Variants in NECAB2 observed in about 807,000 individuals in gnomAD.
The protein encoded by NECAB2 is N-terminal EF-hand calcium binding protein 2.
In NECAB2, 68 loss-of-function variants were observed where a neutral mutation model predicts 51.9. The ratio of observed to expected loss-of-function variants is 1.31; its 90% confidence interval spans 1.08 to 1.60. NECAB2 has a LOEUF of 1.60. Among genes scored for constraint, NECAB2 ranks in the 40% most tolerant of loss-of-function variants. The pLI, the probability that NECAB2 is intolerant of heterozygous loss-of-function variation, is 0.00. For missense variants in NECAB2, 854 were observed against 490.3 expected (o/e 1.74, Z -7.00); for synonymous variants, 329 against 203.5 (o/e 1.62, Z -5.25).
chr16:83,994,203 C>A, intron 6 of NECAB2, 99 bp from the exon 7 acceptor site: 1 of 1,062,478 alleles, frequency 9.4e-7, no homozygotes, highest in Non-Finnish European at 1.4e-6. Context: ...ATGTGTGAGT[C>A]CACTGTCTTG....
intron 8 of NECAB2, 118 bp from the exon 9 acceptor site, chr16:83,997,098 G>T (rs1041568699): frequency 2.5e-6 from 3 of 1,196,168 alleles, no homozygotes; most frequent in African/African-American, 3.1e-5. Flanking sequence ...TCCCAGCCCT[G>T]TGCAACAGGG....
At chr16:83,982,345 G>A in intron 5 of NECAB2, among the ~76,000 whole-genome samples, 1 of 152,174 alleles carries the variant, frequency 6.6e-6, no homozygotes. Context: ...TGCTGTTTTA[G>A]AGTATATTTT....
intron 6 of NECAB2, among the ~76,000 whole-genome samples, 178 bp downstream of exon 6, chr16:83,990,808 A>C (rs1188428469): frequency 6.6e-6 from 1 of 152,020 alleles, no homozygotes; most frequent in East Asian, 1.9e-4. Context: ...TATATACCTA[A>C]AATCTCAGCC....
At chr16:83,977,884 G>A (rs2084433557) in intron 2 of NECAB2, among the ~76,000 whole-genome samples, 1 of 152,206 alleles carries the variant, frequency 6.6e-6, no homozygotes, top group Non-Finnish European at 1.5e-5. Flanking sequence ...TGGGATTGGG[G>A]TTGGGAGCAT....
At chr16:83,988,161 C>T (rs982881380) in intron 5 of NECAB2, among the ~76,000 whole-genome samples, 3 of 152,212 alleles carry the variant, frequency 2.0e-5, no homozygotes, top group Non-Finnish European at 4.4e-5. Context: ...AGATCTGGGA[C>T]TTTGTCTTTA....
intron 10 of NECAB2, among the ~76,000 whole-genome samples, chr16:83,999,639 A>G (rs1322194006): frequency 3.3e-5 from 5 of 152,038 alleles, no homozygotes; most frequent in Non-Finnish European, 7.4e-5. Flanking sequence ...GTGCACTTGC[A>G]GAGAGGATTC....
chr16:84,002,215 G>A (rs867645644), intron 12 of NECAB2, 103 bp from the exon 13 acceptor site: 10 of 1,407,552 alleles, frequency 7.1e-6, no homozygotes, highest in South Asian at 5.8e-5. Context: ...GTCACACAAG[G>A]ACTCAAAGCC....
intron 8 of NECAB2, 70 bp from the exon 9 acceptor site, chr16:83,997,146 C>T (rs989419754): frequency 6.3e-7 from 1 of 1,596,974 alleles, no homozygotes; most frequent in African/African-American, 1.3e-5. Flanking sequence ...CCAGGGATCC[C>T]AGAGCTCCTG....
chr16:83,984,539 A>G (rs1004930429), intron 5 of NECAB2, among the ~76,000 whole-genome samples: 1 of 151,964 alleles, frequency 6.6e-6, no homozygotes, highest in African/African-American at 2.4e-5. Context: ...CCTGGGCAAC[A>G]TAGTGGGACC....
In NECAB2 at chr16:83,980,842, T is replaced by C. The variant is rs770849858; in HGVS notation, c.339T>C (p.His113=). Residue 113 remains histidine, a synonymous_variant, in exon 4 of 13, where the codon CAT becomes CAC. Coordinates refer to ENST00000305202, the MANE Select transcript of NECAB2 (RefSeq NM_019065.3). ...FHTIDSDNTN[H]VDTKELCDYF... is the part of the protein sequence containing the mutation. The stretch of plus-strand genomic sequence containing the variant: ...CTGCCTCTGTCTGTCTCTGCAGCCA[T>C]GTGGACACCAAGGAGCTGTGTGGTA... The C allele has an allele frequency of 7.9e-5, 126 of 1,592,198 alleles. No homozygotes were observed. The highest frequency in any genetic ancestry group is 1.0e-5 in the Non-Finnish European group (12 of 1,168,854).
intron 6 of NECAB2, chr16:83,993,270 T>G (rs2084649655): frequency 6.6e-6 from 1 of 152,174 alleles, no homozygotes; most frequent in South Asian, 2.1e-4. Flanking sequence ...GAGGGATACA[T>G]TTAATTTCCT....
chr16:83,972,002 CGGGGAGGGGGAGA>C, intron 1 of NECAB2, 136 bp from the exon 2 acceptor site: 1 of 1,045,856 alleles, frequency 9.6e-7, no homozygotes, highest in Admixed American at 2.2e-5. Flanking sequence ...GATCCCAGCC[CGGGGAGGGGGAGA>C]GGGAAGGGGG....
chr16:83,990,563 A>G lies in NECAB2; in HGVS notation c.529A>G (p.Ile177Val). The change falls in exon 6 of 13, where the codon ATC becomes GTC. Residue 177 changes from isoleucine (I) to valine (V), a missense_variant. Coordinates refer to ENST00000305202, the MANE Select transcript of NECAB2 (RefSeq NM_019065.3). ...RFLLKETANQ[I>V]QSLLSSVESA... ...CCTCCTGAAGGAGACGGCCAATCAG[A>G]TCCAGTCGCTGCTGAGCTCAGTGGA... 6.2e-7 allele frequency: 1 copy of G among 1,614,120 alleles called. No individual in the cohort carries two copies. The highest frequency in any genetic ancestry group is 8.5e-7 in the Non-Finnish European group (1 of 1,180,042).
chr16:83,985,311 CT>C (rs1481371433), intron 5 of NECAB2, among the ~76,000 whole-genome samples: 1 of 39,086 alleles, frequency 2.6e-5, no homozygotes, highest in Non-Finnish European at 4.2e-5. Context: ...AAATCTCTGT[CT>C]CAAAAAAAAA....
chr16:83,976,356 T>G (rs1181605348), intron 2 of NECAB2, among the ~76,000 whole-genome samples: 3 of 152,212 alleles, frequency 2.0e-5, no homozygotes, highest in African/African-American at 7.2e-5. Context: ...GTGCCTCAGT[T>G]TACCCCTCTC....
chr16:84,000,839 G>T (rs377315082), intron 11 of NECAB2, 38 bp downstream of exon 11: 1 of 1,396,674 alleles, frequency 7.2e-7, no homozygotes, highest in Non-Finnish European at 9.9e-7. Context: ...GAGGGAGACA[G>T]AGGGAAGTGG....
upstream of NECAB2, among the ~76,000 whole-genome samples, chr16:83,968,104 G>T (rs1033610658): frequency 6.6e-6 from 1 of 151,782 alleles, no homozygotes; most frequent in Non-Finnish European, 1.5e-5. Context: ...CCAAGGGGGC[G>T]GCCTGAGGGG....
At chr16:83,976,526 G>C (rs924126233) in intron 2 of NECAB2, among the ~76,000 whole-genome samples, 1 of 152,206 alleles carries the variant, frequency 6.6e-6, no homozygotes, top group Non-Finnish European at 1.5e-5. Context: ...CTCTGTCACA[G>C]AACACAGAAA....
chr16:83,984,015 T>TG (rs2084520309), intron 5 of NECAB2, among the ~76,000 whole-genome samples: 1 of 129,186 alleles, frequency 7.7e-6, no homozygotes, highest in South Asian at 2.4e-4. Flanking sequence ...TTTTTTTTTT[T>TG]GACGGAGTCT....
Sources: gnomAD v4.1 joint callset for allele counts (sites outside exome capture counted in the v4.1 genomes callset) on GRCh38, gnomAD v4.1.1 for gene constraint, MANE v1.5 for transcripts, NCBI Gene and HGNC (gene_info 2026-07-23, HGNC 2026-07-21) for gene names.